The following GATAD2A variants were observed in gnomAD, a reference collection of about 807,000 sequenced individuals.
GATAD2A encodes GATA zinc finger domain containing 2A, also known as transcriptional repressor p66-alpha.
GATAD2A carries 12 observed loss-of-function variants against 68.5 expected under a neutral mutation model. That is an observed-to-expected ratio of 0.18 (90% CI 0.11 to 0.28). The LOEUF is 0.28. GATAD2A is among the 10% of genes least tolerant of loss of function. The pLI is 1.00. For synonymous variants in GATAD2A, 410 were observed against 375.3 expected (o/e 1.09, Z -1.07); for missense variants, 755 against 868.5 (o/e 0.87, Z 1.64).
rs750588472 is a variant in GATAD2A at position 19,501,270 on chromosome 19, G to A, written c.1357G>A (p.Val453Met). The change falls in exon 9 of 12, where the codon GTG becomes ATG. Residue 453 changes from valine to methionine, a missense_variant. Physicochemically the swap from Val to Met is conservative, Grantham distance 21 (BLOSUM62 1). Coordinates refer to ENST00000683918, the MANE Select transcript of GATAD2A (RefSeq NM_001384528.1). ...MTTNQKKALKVEHTSRLKAAF... is the reference protein window; with the variant it reads ...MTTNQKKALKMEHTSRLKAAF... ...AACCAACCAGAAGAAGGCGCTCAAG[G>A]TGGAGCACACCAGCCGGCTGAAGGC... The A allele has an allele frequency of 8.1e-6, 13 of 1,613,292 alleles. No individual in the cohort carries two copies. The highest frequency in any genetic ancestry group is 9.3e-6 in the Non-Finnish European group (11 of 1,180,038).
At chr19:19,452,954 C>T (rs35548563) in intron 1 of GATAD2A, among the ~76,000 whole-genome samples, 1 of 152,164 alleles carries the variant, frequency 6.6e-6, no homozygotes, top group Non-Finnish European at 1.5e-5. Context: ...CACAAACGAC[C>T]TCGCTCTCCC....
rs536869728 is a variant in GATAD2A, at chr19:19,448,369, C to T, written c.-6-16971C>T. Among the ~76,000 whole-genome samples the T allele has an allele frequency of 6.2e-3, 946 of 152,368 alleles. 9 individuals carry two copies. The highest frequency in any genetic ancestry group is 0.021 in the African/African-American group (888 of 41,576). ...GCCAACAGCGGCGCAGGTGTGGGGC[C>T]ACTTCAAGCACGGCCTCAAATGAGG... On this transcript the variant is annotated intron_variant, in intron 1 of 11. Coordinates refer to ENST00000683918, the MANE Select transcript of GATAD2A (RefSeq NM_001384528.1).
intron 1 of GATAD2A, among the ~76,000 whole-genome samples, chr19:19,408,777 C>T (rs1368380962): frequency 4.6e-5 from 7 of 152,090 alleles, no homozygotes; most frequent in Admixed American, 3.9e-4. Flanking sequence ...ATCTTATAAA[C>T]ATGGGGAAAC....
At chr19:19,429,287 G>A (rs2053460472) in intron 1 of GATAD2A, 1 of 936,248 alleles carries the variant, frequency 1.1e-6, no homozygotes, top group Non-Finnish European at 1.3e-6. Flanking sequence ...ACAGGTGCTT[G>A]AACCCAAAGG....
At chr19:19,497,367 A>C (rs2060222388) in intron 7 of GATAD2A, among the ~76,000 whole-genome samples, 1 of 152,232 alleles carries the variant, frequency 6.6e-6, no homozygotes, top group African/African-American at 2.4e-5. Context: ...AAGTGCTGGG[A>C]TTACAGGCGT....
At chr19:19,392,450 T>C (rs2048916175) in intron 1 of GATAD2A, among the ~76,000 whole-genome samples, 1 of 150,960 alleles carries the variant, frequency 6.6e-6, no homozygotes, top group Non-Finnish European at 1.5e-5. Flanking sequence ...TGGAGTGCAG[T>C]GGTGCGATCT....
chr19:19,450,888 A>T (rs1258392286), intron 1 of GATAD2A, among the ~76,000 whole-genome samples: 1 of 151,114 alleles, frequency 6.6e-6, no homozygotes, highest in Non-Finnish European at 1.5e-5. Flanking sequence ...CCCCTGCCTC[A>T]GCCTCCCGAG....
intron 2 of GATAD2A, among the ~76,000 whole-genome samples, chr19:19,479,479 G>A (rs527827284): frequency 7.9e-5 from 12 of 152,078 alleles, no homozygotes; most frequent in East Asian, 1.9e-4. Context: ...TAATCCTTGC[G>A]TCTCCCTAGA....
chr19:19,440,161 A>G lies in GATAD2A; in HGVS notation c.-6-25179A>G, dbSNP rs940530444. 6 of 418,444 alleles carry G rather than the reference A, an allele frequency of 1.4e-5. No individual in the cohort carries two copies. In the Admixed American group the frequency reaches 1.6e-4, roughly 11 times the overall value. The allele number at this position is 418,444 out of a possible 1,614,324, so 25.9% of individuals were successfully genotyped here. On this transcript the variant is annotated intron_variant, in intron 1 of 11. Transcript: ENST00000683918. The stretch of plus-strand genomic sequence containing the variant: ...GGGATTTCTAGTTGAAATGACAAGC[A>G]GAAAAAAGAACAATGTAAAGGAAGA...
chr19:19,412,860 C>G (rs1045703395), intron 1 of GATAD2A, among the ~76,000 whole-genome samples: 18 of 152,164 alleles, frequency 1.2e-4, no homozygotes, highest in African/African-American at 4.3e-4. Flanking sequence ...GTAAAGTAGG[C>G]CTCCAATTTA....
At chr19:19,470,413 C>T (rs1204941370) in intron 2 of GATAD2A, among the ~76,000 whole-genome samples, 2 of 152,258 alleles carry the variant, frequency 1.3e-5, no homozygotes, top group African/African-American at 4.8e-5. Context: ...GGATTACAGG[C>T]GTGAGCCACT....
At chr19:19,457,158 T>C (rs1405762366) in intron 1 of GATAD2A, 1 of 985,270 alleles carries the variant, frequency 1.0e-6, no homozygotes, top group East Asian at 1.1e-4. Flanking sequence ...TGACTGACAC[T>C]CTTGCAGAAG....
At chr19:19,433,662 T>C (rs907377704) in intron 1 of GATAD2A, among the ~76,000 whole-genome samples, 1 of 152,250 alleles carries the variant, frequency 6.6e-6, no homozygotes, top group Non-Finnish European at 1.5e-5. Flanking sequence ...ACAACAACTT[T>C]AGAAACATCT....
intron 1 of GATAD2A, among the ~76,000 whole-genome samples, chr19:19,407,560 A>G (rs2050422830): frequency 6.6e-6 from 1 of 152,200 alleles, no homozygotes; most frequent in Non-Finnish European, 1.5e-5. Context: ...CAAATGCTGC[A>G]GTTTGCGAAC....
chr19:19,461,610 T>C (rs1240002528), intron 1 of GATAD2A, among the ~76,000 whole-genome samples: 1 of 152,246 alleles, frequency 6.6e-6, no homozygotes, highest in Non-Finnish European at 1.5e-5. Context: ...TGTACCTGTG[T>C]GGGGTCTCTA....
At chr19:19,417,821 A>G (rs564142784) in intron 1 of GATAD2A, among the ~76,000 whole-genome samples, 1 of 152,340 alleles carries the variant, frequency 6.6e-6, no homozygotes, top group South Asian at 2.1e-4. Flanking sequence ...AAGATTGGGT[A>G]GGGATTAACT....
At chr19:19,446,085 G>A (rs1054499124) in intron 1 of GATAD2A, among the ~76,000 whole-genome samples, 1 of 152,106 alleles carries the variant, frequency 6.6e-6, no homozygotes, top group Non-Finnish European at 1.5e-5. Flanking sequence ...TGTTTTCCAC[G>A]TCACTCTACC....
At chr19:19,467,756 C>T (rs1336700550) in intron 2 of GATAD2A, among the ~76,000 whole-genome samples, 1 of 152,112 alleles carries the variant, frequency 6.6e-6, no homozygotes, top group Admixed American at 6.5e-5. Context: ...AGAGAATTTC[C>T]TTTTTCTTTA....
chr19:19,476,937 G>C (rs920554391), intron 2 of GATAD2A, among the ~76,000 whole-genome samples: 2 of 152,170 alleles, frequency 1.3e-5, no homozygotes, highest in Non-Finnish European at 2.9e-5. Context: ...GAGCCTGAGG[G>C]GGCAGCTGGT....
Sources: allele counts gnomAD v4.1 joint callset (sites outside exome capture counted in the v4.1 genomes callset), GRCh38; gene constraint gnomAD v4.1.1; transcripts MANE v1.5; gene names NCBI Gene and HGNC (gene_info 2026-07-23, HGNC 2026-07-21).